The following EHBP1 variants were observed in gnomAD, a reference collection of about 807,000 sequenced individuals.
EHBP1 encodes EH domain-binding protein 1.
Under a neutral mutation model 144.0 loss-of-function variants are expected in EHBP1, and 55 were observed. That is an observed-to-expected ratio of 0.38 (90% CI 0.31 to 0.48). The LOEUF (loss-of-function observed/expected upper bound fraction) is 0.48. Among genes scored for constraint, EHBP1 ranks in the 20% least tolerant of loss-of-function variants. The pLI is 0.98. For missense variants in EHBP1, 1,200 were observed against 1,364.2 expected (o/e 0.88, Z 1.90); for synonymous variants, 469 against 472.7 (o/e 0.99, Z 0.10).
intron 5 of EHBP1, among the ~76,000 whole-genome samples, chr2:62,803,564 C>G (rs2044204908): frequency 6.6e-6 from 1 of 152,170 alleles, no homozygotes; most frequent in Non-Finnish European, 1.5e-5. Flanking sequence ...TGATGTTGAG[C>G]ATCTTGTTAT....
At chr2:62,865,168 C>A (rs1276772564) in intron 9 of EHBP1, among the ~76,000 whole-genome samples, 197 bp downstream of exon 9, 7 of 152,048 alleles carry the variant, frequency 4.6e-5, no homozygotes, top group Admixed American at 4.6e-4. Context: ...GTGTGTGTAC[C>A]CTAAACTAAC....
intron 9 of EHBP1, 57 bp from the exon 10 acceptor site, chr2:62,874,289 A>T: frequency 7.6e-7 from 1 of 1,324,436 alleles, no homozygotes; most frequent in Non-Finnish European, 1.0e-6. Flanking sequence ...TTATTATTTT[A>T]CTTGTAAATG....
intron 2 of EHBP1, among the ~76,000 whole-genome samples, chr2:62,739,946 A>G (rs1033794021): frequency 2.6e-5 from 4 of 151,636 alleles, no homozygotes; most frequent in South Asian, 2.1e-4. Context: ...AAAAAAAAAA[A>G]AAAAAAAGAA....
chr2:62,761,430 C>T (rs1448298229), intron 3 of EHBP1, among the ~76,000 whole-genome samples: 1 of 152,104 alleles, frequency 6.6e-6, no homozygotes, highest in African/African-American at 2.4e-5. Context: ...TTGGTGTACA[C>T]TGTTAAACCT....
chr2:62,830,626 G>T (rs1254961622), intron 6 of EHBP1, among the ~76,000 whole-genome samples: 2 of 152,086 alleles, frequency 1.3e-5, no homozygotes, highest in Non-Finnish European at 2.9e-5. Context: ...GATTTCTTTT[G>T]CTGTGCAGAA....
intron 2 of EHBP1, among the ~76,000 whole-genome samples, chr2:62,721,469 C>T (rs2036217399): frequency 4.6e-5 from 7 of 152,178 alleles, no homozygotes; most frequent in Admixed American, 3.9e-4. Context: ...TCTAATTTCT[C>T]AGGGAGGAGA....
intron 10 of EHBP1, among the ~76,000 whole-genome samples, chr2:62,891,286 A>G (rs1480071418): frequency 6.6e-6 from 1 of 152,172 alleles, no homozygotes; most frequent in Non-Finnish European, 1.5e-5. Flanking sequence ...ACTACTTGAC[A>G]TGTTGACAAA....
At chr2:63,019,830 G>GGGAGGGAAGGAAGGAAGGAAGAAA (rs796556689) in intron 19 of EHBP1, among the ~76,000 whole-genome samples, 1 of 34,782 alleles carries the variant, frequency 2.9e-5, no homozygotes, top group African/African-American at 1.4e-4. Flanking sequence ...AAGAGGGGGA[G>GGGAGGGAAGGAAGGAAGGAAGAAA]GGAAGGAAGG....
At chr2:62,750,086 G>A (rs1454617343) in intron 3 of EHBP1, among the ~76,000 whole-genome samples, 1 of 151,960 alleles carries the variant, frequency 6.6e-6, no homozygotes, top group Non-Finnish European at 1.5e-5. Flanking sequence ...GGTATTGCCT[G>A]GGTTTTCTTC....
intron 16 of EHBP1, among the ~76,000 whole-genome samples, chr2:62,992,310 G>A (rs1340503847): frequency 6.6e-6 from 1 of 151,940 alleles, no homozygotes; most frequent in African/African-American, 2.4e-5. Context: ...ATAACTATAT[G>A]GCTAGGATAT....
At position 62,832,345 on chromosome 2, in the gene EHBP1, G is replaced by A. The variant is rs931885240; in HGVS notation, c.634+1187G>A. 5.3e-5 allele frequency among the ~76,000 whole-genome samples: 8 copies of A among 150,836 alleles called. 1 individual carries two copies. Among genetic ancestry groups the A allele is most frequent in the East Asian group, 3.9e-4 (2 of 5,156 alleles). On this transcript the variant is annotated intron_variant, in intron 7 of 22. Transcript: ENST00000431489. ...TTTTTACATGTATATTCTATTTGTC[G>A]CATTCATCATTAGACTCAACTTCTC...
At chr2:63,020,783 A>T (rs893075875) in intron 19 of EHBP1, among the ~76,000 whole-genome samples, 8 of 151,176 alleles carry the variant, frequency 5.3e-5, no homozygotes, top group African/African-American at 1.9e-4. Context: ...GGTTCAAGCC[A>T]TTCTCCTGCC....
chr2:62,874,543 A>G lies in EHBP1; in HGVS notation c.1185+11A>G. On this transcript the variant is annotated intron_variant, in intron 10 of 22. Transcript: ENST00000431489. ...TCTACTTCTCCTAAGGTAGGATTTTATTCATAGTAAAACATGTATTAATAT... is the reference window on the plus strand; with the variant it reads ...TCTACTTCTCCTAAGGTAGGATTTTGTTCATAGTAAAACATGTATTAATAT... 2 of 1,567,888 alleles carry G rather than the reference A, an allele frequency of 1.3e-6. No individual in the cohort carries two copies. The highest frequency in any genetic ancestry group is 2.4e-5 in the South Asian group (2 of 83,066).
chr2:62,692,724 A>G (rs181495272), intron 1 of EHBP1, among the ~76,000 whole-genome samples: 55 of 149,956 alleles, frequency 3.7e-4, no homozygotes, highest in Admixed American at 3.5e-3. Context: ...TTTTCATTAT[A>G]TTTTGTATTA....
chr2:62,693,203 T>C (rs1051900649), intron 1 of EHBP1, among the ~76,000 whole-genome samples: 2 of 152,180 alleles, frequency 1.3e-5, no homozygotes, highest in Non-Finnish European at 2.9e-5. Context: ...CATTCTTTTT[T>C]ATGGCTGAAT....
rs546073860 is a variant in EHBP1, at chr2:62,761,348, C to T, written c.163-2918C>T. On this transcript the variant is annotated intron_variant, in intron 3 of 22. Coordinates refer to ENST00000431489, the MANE Select transcript of EHBP1 (RefSeq NM_001142616.3). ...ATGAGCCTCTGTTTCCATCTCTGTA[C>T]CTGAAGTTTTGTGACAGGGTGGCAA... 3.3e-5 allele frequency among the ~76,000 whole-genome samples: 5 copies of T among 152,012 alleles called. No individual in the cohort carries two copies. In the East Asian group the frequency reaches 9.7e-4, roughly 29 times the overall value.
At chr2:62,755,280 G>A (rs987456969) in intron 3 of EHBP1, among the ~76,000 whole-genome samples, 12 of 152,234 alleles carry the variant, frequency 7.9e-5, no homozygotes, top group Admixed American at 1.3e-4. Context: ...GGCTTGTTTC[G>A]CTTGACATAA....
intron 5 of EHBP1, among the ~76,000 whole-genome samples, chr2:62,772,962 T>A (rs1453081612): frequency 6.6e-6 from 1 of 152,212 alleles, no homozygotes; most frequent in Non-Finnish European, 1.5e-5. Context: ...TATGAAGTTA[T>A]GAGATTTCAG....
chr2:62,818,963 A>G (rs1453897245), intron 5 of EHBP1, among the ~76,000 whole-genome samples: 6 of 152,194 alleles, frequency 3.9e-5, no homozygotes, highest in Admixed American at 1.3e-4. Context: ...AAAATATTTA[A>G]ACTCACTTAG....
Sources: allele counts gnomAD v4.1 joint callset (sites outside exome capture counted in the v4.1 genomes callset), GRCh38; gene constraint gnomAD v4.1.1; transcripts MANE v1.5; gene names NCBI Gene and HGNC (gene_info 2026-07-23, HGNC 2026-07-21).